KLHL1: variants seen among roughly 807,000 people sequenced by gnomAD.
KLHL1 encodes kelch-like protein 1.
In KLHL1, 47 loss-of-function variants were observed where a neutral mutation model predicts 77.7. That is an observed-to-expected ratio of 0.60 (90% CI 0.48 to 0.77). The LOEUF is 0.77. KLHL1 is among the 30% of genes least tolerant of loss of function. The pLI is 0.00. For missense variants in KLHL1, 925 were observed against 910.8 expected (o/e 1.02, Z -0.20); for synonymous variants, 360 against 325.2 (o/e 1.11, Z -1.15).
At chr13:70,095,829 AC>A (rs34395344) in intron 1 of KLHL1, among the ~76,000 whole-genome samples, 2 of 148,446 alleles carry the variant, frequency 1.3e-5, no homozygotes, top group Non-Finnish European at 1.5e-5. Context: ...TTCTCCCTCC[AC>A]CCCCCCCACC....
intron 1 of KLHL1, among the ~76,000 whole-genome samples, chr13:70,037,695 T>C (rs1168507767): frequency 2.0e-5 from 3 of 152,128 alleles, no homozygotes; most frequent in Admixed American, 2.0e-4. Context: ...ATCTTCTTCA[T>C]TCTTCTGTTG....
At chr13:69,724,107 T>C (rs1467678404) in intron 8 of KLHL1, among the ~76,000 whole-genome samples, 6 of 152,096 alleles carry the variant, frequency 3.9e-5, no homozygotes, top group Non-Finnish European at 7.4e-5. Context: ...AGTGCTGGGA[T>C]TACAGTCGTG....
At chr13:69,822,986 G>T (rs1034006744) in intron 6 of KLHL1, among the ~76,000 whole-genome samples, 4 of 151,992 alleles carry the variant, frequency 2.6e-5, no homozygotes, top group African/African-American at 4.8e-5. Flanking sequence ...TTTCTTTCAG[G>T]ATAAACTGTT....
In KLHL1 at chr13:69,719,160, G is replaced by A. The variant is rs191575287; in HGVS notation, c.2015+209C>T. On this transcript the variant is annotated intron_variant, in intron 9 of 10. Coordinates refer to ENST00000377844, the MANE Select transcript of KLHL1 (RefSeq NM_020866.3). Reference sequence around the variant, plus strand: ...TGAAGGGAGGAAGCAAGGAATAAAAGAATAAGAAAATAAAAGAAAGTACGT... The same window carrying A: ...TGAAGGGAGGAAGCAAGGAATAAAAAAATAAGAAAATAAAAGAAAGTACGT... 2.1e-3 allele frequency among the ~76,000 whole-genome samples: 322 copies of A among 150,632 alleles called. 3 individuals are homozygous for A. The highest frequency in any genetic ancestry group is 1.3e-3 in the Non-Finnish European group (88 of 67,644).
chr13:69,971,825 C>A (rs1048015781), intron 2 of KLHL1, among the ~76,000 whole-genome samples: 8 of 152,004 alleles, frequency 5.3e-5, no homozygotes, highest in Non-Finnish European at 1.2e-4. Flanking sequence ...AATCATTATG[C>A]ATCATCAACA....
intron 1 of KLHL1, among the ~76,000 whole-genome samples, chr13:70,038,223 T>C (rs1886285643): frequency 6.6e-6 from 1 of 152,200 alleles, no homozygotes; most frequent in South Asian, 2.1e-4. Context: ...ATCCAAATTG[T>C]TGCATCTGTC....
chr13:69,997,080 A>G (rs983073931), intron 1 of KLHL1, among the ~76,000 whole-genome samples: 1 of 150,928 alleles, frequency 6.6e-6, no homozygotes, highest in Non-Finnish European at 1.5e-5. Flanking sequence ...AATTAGCTGG[A>G]TGTGGTGGCG....
chr13:69,704,239 TG>T (rs1875528646), intron 10 of KLHL1, among the ~76,000 whole-genome samples: 1 of 151,678 alleles, frequency 6.6e-6, no homozygotes, highest in Admixed American at 6.6e-5. Flanking sequence ...TGTCAGTGAA[TG>T]ACACCCCTCT....
intron 1 of KLHL1, among the ~76,000 whole-genome samples, chr13:70,082,311 T>TCACACACACACACACA (rs4053611): frequency 9.0e-6 from 1 of 110,946 alleles, no homozygotes; most frequent in South Asian, 3.9e-4. Flanking sequence ...CTTGGACCTG[T>TCACACACACACACACA]CACACACACA....
intron 8 of KLHL1, among the ~76,000 whole-genome samples, chr13:69,725,172 C>T (rs1873240798): frequency 6.6e-6 from 1 of 152,176 alleles, no homozygotes; most frequent in Non-Finnish European, 1.5e-5. Context: ...GAGGAAGTCA[C>T]TATCTTTATC....
chr13:69,801,206 A>T (rs7986686), intron 6 of KLHL1, among the ~76,000 whole-genome samples: 1 of 152,032 alleles, frequency 6.6e-6, no homozygotes. Flanking sequence ...CTGAAGAATG[A>T]CCACTCTACT....
intron 4 of KLHL1, among the ~76,000 whole-genome samples, chr13:69,933,275 T>A (rs1041985431): frequency 3.3e-5 from 5 of 152,048 alleles, no homozygotes; most frequent in African/African-American, 9.7e-5. Context: ...AAGATAACAT[T>A]AAAAATCATT....
chr13:70,107,416 G>T lies in KLHL1; in HGVS notation c.284C>A (p.Thr95Asn). Reference sequence around the variant, plus strand: ...CAGCCTCGTGGCAACTGGAAGCAGGGTGCCATTCAGCGGATTGAAGGAAGA... The same window carrying T: ...CAGCCTCGTGGCAACTGGAAGCAGGTTGCCATTCAGCGGATTGAAGGAAGA... The part of the protein sequence containing the change: ...SSSSFNPLNG[T>N]LLPVATRLQQ... The change falls in exon 1 of 11, where the codon ACC becomes AAC. Residue 95 changes from threonine (T) to asparagine (N), a missense_variant. Coordinates refer to ENST00000377844, the MANE Select transcript of KLHL1 (RefSeq NM_020866.3). The T allele has an allele frequency of 6.2e-7, 1 of 1,614,176 alleles. No homozygotes were observed. The highest frequency in any genetic ancestry group is 8.5e-7 in the Non-Finnish European group (1 of 1,180,032).
At chr13:69,866,293 C>T (rs1217581323) in intron 5 of KLHL1, among the ~76,000 whole-genome samples, 3 of 152,068 alleles carry the variant, frequency 2.0e-5, no homozygotes, top group Non-Finnish European at 1.5e-5. Flanking sequence ...TTATTGAATT[C>T]ACTGAATATC....
intron 1 of KLHL1, among the ~76,000 whole-genome samples, chr13:70,025,359 G>T (rs1207110337): frequency 6.6e-6 from 1 of 151,912 alleles, no homozygotes; most frequent in Non-Finnish European, 1.5e-5. Flanking sequence ...ATTATTTTAT[G>T]CATCAATATA....
At chr13:69,869,094 T>C (rs1880481810) in intron 5 of KLHL1, among the ~76,000 whole-genome samples, 1 of 151,792 alleles carries the variant, frequency 6.6e-6, no homozygotes, top group Non-Finnish European at 1.5e-5. Context: ...TCAACAAATA[T>C]AAAAATGTTG....
intron 8 of KLHL1, among the ~76,000 whole-genome samples, chr13:69,720,383 G>T (rs1293371159): frequency 1.3e-5 from 2 of 151,930 alleles, no homozygotes; most frequent in Non-Finnish European, 2.9e-5. Flanking sequence ...TTATCCATTT[G>T]CTCACTACAT....
At chr13:69,989,785 T>C (rs920403427) in intron 1 of KLHL1, among the ~76,000 whole-genome samples, 2 of 151,994 alleles carry the variant, frequency 1.3e-5, no homozygotes, top group Non-Finnish European at 2.9e-5. Flanking sequence ...TGTATAGGAA[T>C]GCTACTGATT....
rs58711996 is a variant in KLHL1 at position 69,842,070 on chromosome 13, C to A, written c.1228-2908G>T. ...GAATTAAATACACAAATGTAAGTTGCAAAACTATTAATATAAAAACACTAG... is the reference window on the plus strand; with the variant it reads ...GAATTAAATACACAAATGTAAGTTGAAAAACTATTAATATAAAAACACTAG... On this transcript the variant is annotated intron_variant, in intron 5 of 10. Transcript: ENST00000377844. Among the ~76,000 whole-genome samples, 689 of 151,618 alleles carry A rather than the reference C, an allele frequency of 4.5e-3. 12 individuals are homozygous for A. Among genetic ancestry groups the A allele is most frequent in the African/African-American group, 0.016 (660 of 41,432 alleles).
Sources: allele counts gnomAD v4.1 joint callset (sites outside exome capture counted in the v4.1 genomes callset), GRCh38; gene constraint gnomAD v4.1.1; transcripts MANE v1.5; gene names NCBI Gene and HGNC (gene_info 2026-07-23, HGNC 2026-07-21).